BTD: variants seen among roughly 807,000 people sequenced by gnomAD.
BTD encodes the protein biocytinase.
In BTD, 13 loss-of-function variants were observed where a neutral mutation model predicts 17.7. That is an observed-to-expected ratio of 0.74 (90% CI 0.48 to 1.17). The LOEUF (loss-of-function observed/expected upper bound fraction) is 1.17. BTD is among the 50% of genes most tolerant of loss of function. BTD has a pLI of 0.00. For synonymous variants in BTD, 240 were observed against 245.2 expected (o/e 0.98, Z 0.20); for missense variants, 674 against 650.4 (o/e 1.04, Z -0.39).
intron 2 of BTD, among the ~76,000 whole-genome samples, chr3:15,640,120 C>T (rs2654647): frequency 2.6e-5 from 4 of 152,120 alleles, no homozygotes; most frequent in Non-Finnish European, 4.4e-5. Flanking sequence ...CAAAACAAAA[C>T]TTAAAACTCT....
chr3:15,675,391 C>T (rs2470537), intron 3 of BTD, among the ~76,000 whole-genome samples: 81,048 of 151,890 alleles, frequency 0.53, 22,522 homozygotes, highest in Middle Eastern at 0.63. Flanking sequence ...CTGGCAGGAG[C>T]AGTGAGATTT....
chr3:15,631,599 A>T, intron 1 of BTD: 1 of 1,034,698 alleles, frequency 9.7e-7, no homozygotes. Context: ...TTCCTATTAG[A>T]TGGAAAGAAC....
rs529965192 is a variant in BTD, at chr3:15,703,262, A to G, written c.400-6798A>G. Among the ~76,000 whole-genome samples, 334 of 152,376 alleles carry G rather than the reference A, an allele frequency of 2.2e-3. 1 individual carries two copies. The highest frequency in any genetic ancestry group is 3.1e-3 in the Non-Finnish European group (209 of 68,028). ...AAACTGCATGATCCCATTTTTATGAAGTTTGAAAACAGACAAAAATAAACT... is the reference window on the plus strand; with the variant it reads ...AAACTGCATGATCCCATTTTTATGAGGTTTGAAAACAGACAAAAATAAACT... On this transcript the variant is annotated intron_variant, in intron 3 of 3. Transcript: ENST00000672141.
At chr3:15,704,754 C>T (rs2071122606) in intron 3 of BTD, among the ~76,000 whole-genome samples, 1 of 152,002 alleles carries the variant, frequency 6.6e-6, no homozygotes, top group African/African-American at 2.4e-5. Flanking sequence ...CTGTTTAAGC[C>T]TCCAAAACAA....
At position 15,644,932 on chromosome 3, in the gene BTD, G is replaced by GT; in HGVS notation, c.1017dup (p.Lys340Ter). On this transcript the variant is annotated frameshift_variant, in exon 4 of 4. Coordinates refer to ENST00000643237, the MANE Select transcript of BTD (RefSeq NM_001370658.1). LOFTEE classifies it low-confidence loss of function (END_TRUNC). ...ACAGGTGAAACGGACCCATCCCATA[G>GT]TAAGTTTTTAAAAATTTTGTCAGGC... 1 of 1,614,174 alleles carries GT rather than the reference G, an allele frequency of 6.2e-7. No individual in the cohort carries two copies.
At chr3:15,685,169 C>CA in intron 3 of BTD, 2 of 1,574,238 alleles carry the variant, frequency 1.3e-6, no homozygotes, top group Non-Finnish European at 1.7e-6. Context: ...ATAAATATGT[C>CA]ATTCTTTTAT....
rs2125499988 is a variant in BTD at position 15,644,310 on chromosome 3, C to T, written c.400-6C>T. The T allele has an allele frequency of 1.2e-6, 2 of 1,612,180 alleles. No homozygotes were observed. The highest frequency in any genetic ancestry group is 1.7e-6 in the Non-Finnish European group (2 of 1,179,164). Reference sequence around the variant, plus strand: ...CCTCATTTATTTACACCTTTTTTTCCTCTAGGTGCTCCAGCGCCTGAGTTG... The same window carrying T: ...CCTCATTTATTTACACCTTTTTTTCTTCTAGGTGCTCCAGCGCCTGAGTTG... On this transcript the variant is annotated splice_polypyrimidine_tract_variant and splice_region_variant and intron_variant, in intron 3 of 3. Transcript: ENST00000643237.
At position 15,652,581 on chromosome 3, in the gene BTD, C is replaced by T. The variant is rs12490588; in HGVS notation, c.*7093C>T. On this transcript the variant is annotated 3_prime_UTR_variant, in exon 4 of 4. Transcript: ENST00000643237. ...GAGACCCTGAGCCGGAACCACCCCA[C>T]AAAGTCACTCTTGATTTCCTAAGTC... 0.11 allele frequency among the ~76,000 whole-genome samples: 17,305 copies of T among 152,198 alleles called. 1,303 individuals carry two copies. The highest frequency in any genetic ancestry group is 0.4 in the East Asian group (2,091 of 5,178).
rs755119589 is a variant in BTD, at chr3:15,601,824, G to T, written c.-87G>T. ...CCATTGTCTCCGAGTCGGCCAGCTGGAGCGTTTTCGGGGCTGTAAAGGGAG... is the reference window on the plus strand; with the variant it reads ...CCATTGTCTCCGAGTCGGCCAGCTGTAGCGTTTTCGGGGCTGTAAAGGGAG... On this transcript the variant is annotated 5_prime_UTR_variant, in exon 1 of 4. Transcript: ENST00000643237. The T allele has an allele frequency of 5.6e-6, 9 of 1,614,102 alleles. No homozygotes were observed. The Admixed American group carries it at 1.5e-4, about 27-fold the overall frequency.
At position 15,710,011 on chromosome 3, in the gene BTD, G is replaced by T. The variant is rs945869059; in HGVS notation, c.400-49G>T. 3.3e-5 allele frequency among the ~76,000 whole-genome samples: 5 copies of T among 149,400 alleles called. No homozygotes were observed. In the South Asian group the frequency reaches 1.1e-3, roughly 32 times the overall value. On this transcript the variant is annotated intron_variant, in intron 3 of 3. Transcript: ENST00000672141. ...CATTTGCAAAAGAGATTCTGAGGAG[G>T]CTTTAGGAAACAACTTGCTTATAGG...
downstream of BTD, among the ~76,000 whole-genome samples, chr3:15,657,381 G>A (rs1434880323): frequency 6.6e-6 from 1 of 152,176 alleles, no homozygotes; most frequent in Admixed American, 6.5e-5. Context: ...AGCAGGCATA[G>A]TAGCTCCTTG....
downstream of BTD, among the ~76,000 whole-genome samples, chr3:15,714,103 T>G (rs1011010386): frequency 6.6e-6 from 1 of 152,130 alleles, no homozygotes; most frequent in Non-Finnish European, 1.5e-5. Flanking sequence ...AAAACACTGA[T>G]TTAAAGTAAT....
At chr3:15,703,733 A>T (rs1472857519) in intron 3 of BTD, among the ~76,000 whole-genome samples, 1 of 152,252 alleles carries the variant, frequency 6.6e-6, no homozygotes, top group Admixed American at 6.5e-5. Flanking sequence ...GCTGAAACAA[A>T]TATCTAAAAT....
At position 15,618,724 on chromosome 3, in the gene BTD, A is replaced by T. The variant is rs143040507; in HGVS notation, c.-16-16700A>T. On this transcript the variant is annotated intron_variant, in intron 1 of 3. Coordinates refer to ENST00000643237, the MANE Select transcript of BTD (RefSeq NM_001370658.1). ...GTATTTTTCATAGAGATGGGGTTTC[A>T]CCATGTTAGCCAGGATGGTCTCAAT... 6.5e-3 allele frequency among the ~76,000 whole-genome samples: 996 copies of T among 152,124 alleles called. 8 individuals are homozygous for T. Among genetic ancestry groups the T allele is most frequent in the African/African-American group, 0.023 (945 of 41,486 alleles).
upstream of BTD, chr3:15,601,687 G>T: frequency 3.2e-6 from 5 of 1,556,298 alleles, no homozygotes; most frequent in Non-Finnish European, 4.4e-6. Flanking sequence ...TCAGAACTGC[G>T]CTCTCTTCTC....
At chr3:15,643,171 G>A (rs1488481913) in intron 3 of BTD, among the ~76,000 whole-genome samples, 1 of 152,172 alleles carries the variant, frequency 6.6e-6, no homozygotes, top group African/African-American at 2.4e-5. Flanking sequence ...CAGTATGAGT[G>A]CCTCTTTTTC....
chr3:15,710,137 C>T (rs943231122), exon 4 of BTD, among the ~76,000 whole-genome samples: 3 of 151,734 alleles, frequency 2.0e-5, no homozygotes, highest in Admixed American at 6.6e-5. Flanking sequence ...TGGATATAAG[C>T]GATCCTCCAA....
In BTD at chr3:15,695,263, T is replaced by A. The variant is rs559445253; in HGVS notation, c.400-14797T>A. 2.2e-5 allele frequency: 30 copies of A among 1,367,204 alleles called. No individual in the cohort carries two copies. The East Asian group carries it at 2.5e-4, about 11-fold the overall frequency. The allele number at this position is 1,367,204 out of a possible 1,614,324, so 84.7% of individuals were successfully genotyped here. On this transcript the variant is annotated intron_variant, in intron 3 of 3. Transcript: ENST00000672141. ...ATATTTAGCTTGGGAAGTATTCATC[T>A]ATATTAAGTCTCAACTTATATAGAG...
chr3:15,624,566 C>A (rs1013964024), intron 1 of BTD, among the ~76,000 whole-genome samples: 3 of 150,370 alleles, frequency 2.0e-5, no homozygotes, highest in African/African-American at 7.3e-5. Flanking sequence ...TTTTTTTATT[C>A]TTTCTTAGAA....
Sources: gnomAD v4.1 joint callset for allele counts (sites outside exome capture counted in the v4.1 genomes callset) on GRCh38, gnomAD v4.1.1 for gene constraint, MANE v1.5 for transcripts, NCBI Gene and HGNC (gene_info 2026-07-23, HGNC 2026-07-21) for gene names.